CLASRP: variants seen among roughly 807,000 people sequenced by gnomAD.
The protein encoded by CLASRP is CLK4-associating serine/arginine rich protein.
CLASRP carries 52 observed loss-of-function variants against 99.9 expected under a neutral mutation model. The observed-to-expected ratio is 0.52, with a 90% confidence interval of 0.42 to 0.66. The LOEUF (loss-of-function observed/expected upper bound fraction) is 0.66, where lower values mean the gene tolerates loss of function less well. CLASRP is among the 30% of genes least tolerant of loss of function. CLASRP has a pLI of 0.00. For synonymous variants in CLASRP, 379 were observed against 373.0 expected (o/e 1.02, Z -0.18); for missense variants, 848 against 999.2 (o/e 0.85, Z 2.04).
intron 16 of CLASRP, among the ~76,000 whole-genome samples, chr19:45,068,701 TAG>T (rs1967156292): frequency 6.6e-6 from 1 of 152,208 alleles, no homozygotes; most frequent in Admixed American, 6.5e-5. Flanking sequence ...TTCCTCATTT[TAG>T]AGAGTGGGGC....
chr19:45,044,282 G>T (rs191348114), intron 2 of CLASRP, among the ~76,000 whole-genome samples: 98 of 152,354 alleles, frequency 6.4e-4, no homozygotes, highest in African/African-American at 2.3e-3. Flanking sequence ...TATTGATCAT[G>T]CCTGTGTTAA....
intron 2 of CLASRP, among the ~76,000 whole-genome samples, chr19:45,048,199 C>A (rs1439446351): frequency 1.3e-5 from 2 of 151,460 alleles, no homozygotes; most frequent in African/African-American, 2.4e-5. Context: ...GCAGGTGGAC[C>A]CCATGGCTTT....
intron 2 of CLASRP, among the ~76,000 whole-genome samples, chr19:45,046,800 A>G (rs1971925588): frequency 6.6e-6 from 1 of 152,180 alleles, no homozygotes; most frequent in Non-Finnish European, 1.5e-5. Context: ...GGCTGAGGTG[A>G]GCAGATCACC....
chr19:45,050,831 C>T (rs1231112625), intron 2 of CLASRP, among the ~76,000 whole-genome samples: 2 of 151,938 alleles, frequency 1.3e-5, no homozygotes, highest in Non-Finnish European at 2.9e-5. Context: ...ATTCTCTTGC[C>T]TCAGCCTCCC....
chr19:45,049,644 A>G (rs1971985185), intron 2 of CLASRP, among the ~76,000 whole-genome samples: 1 of 152,156 alleles, frequency 6.6e-6, no homozygotes, highest in Non-Finnish European at 1.5e-5. Flanking sequence ...GATGTGCAGG[A>G]GCTTGGAAAC....
rs1002135333 is a variant in CLASRP, at chr19:45,053,115, C to T, written c.317C>T (p.Ser106Leu). 16 of 1,613,804 alleles carry T rather than the reference C, an allele frequency of 9.9e-6. No individual in the cohort carries two copies. The highest frequency in any genetic ancestry group is 2.7e-5 in the African/African-American group (2 of 74,824). ...CCCTAAAGCTCCCCAGAACAGGAGT[C>T]GGACGAACGGAAGTGTAACTACGAG... ...LLTTISPEQESDERKCNYERY... is the reference protein window; with the variant it reads ...LLTTISPEQELDERKCNYERY... Residue 106 changes from serine (S) to leucine (L), a missense_variant, in exon 5 of 21, where the codon TCG (serine) becomes TTG (leucine). Around this residue, in one of 8 missense-constraint regions of CLASRP, gnomAD observed 54 missense variants for 38.7 expected, o/e 1.39. Coordinates refer to ENST00000221455, the MANE Select transcript of CLASRP (RefSeq NM_007056.3).
At chr19:45,044,606 A>T (rs889851514) in intron 2 of CLASRP, among the ~76,000 whole-genome samples, 34 of 152,158 alleles carry the variant, frequency 2.2e-4, no homozygotes, top group Admixed American at 1.9e-3. Flanking sequence ...TCTGCAAAAA[A>T]TAATAAAAAA....
chr19:45,045,917 C>A (rs1971908469), intron 2 of CLASRP, among the ~76,000 whole-genome samples: 1 of 152,170 alleles, frequency 6.6e-6, no homozygotes, highest in South Asian at 2.1e-4. Context: ...AGACTCCAGG[C>A]CCCCTCCCTG....
In CLASRP at chr19:45,069,186, G is replaced by T; in HGVS notation, c.1828-16G>T. 6.2e-7 allele frequency: 1 copy of T among 1,614,114 alleles called. No individual in the cohort carries two copies. On this transcript the variant is annotated splice_polypyrimidine_tract_variant and intron_variant, in intron 17 of 20. Coordinates refer to ENST00000221455, the MANE Select transcript of CLASRP (RefSeq NM_007056.3). The stretch of plus-strand genomic sequence containing the variant: ...GTGCTGGCCTGGCCACGTCCTCATA[G>T]CCCTGTCTGCTGCAGGAGCGGGAAG...
At chr19:45,070,193 G>A (rs995188108) in intron 19 of CLASRP, 89 bp downstream of exon 19, 12 of 872,308 alleles carry the variant, frequency 1.4e-5, no homozygotes, top group East Asian at 4.9e-5. Context: ...ACAGCCGGGC[G>A]CGGTGGCTCA....
intron 5 of CLASRP, 22 bp downstream of exon 5, chr19:45,053,199 G>T: frequency 6.2e-7 from 1 of 1,611,442 alleles, no homozygotes; most frequent in Non-Finnish European, 8.5e-7. Flanking sequence ...GTGGGGGGAC[G>T]TGGGGTGTGG....
chr19:45,050,644 A>T (rs891583931), intron 2 of CLASRP, among the ~76,000 whole-genome samples: 1 of 151,916 alleles, frequency 6.6e-6, no homozygotes. Context: ...ATATCGCACC[A>T]TTGCACTCCA....
At chr19:45,065,704 G>T (rs1967071102) in intron 13 of CLASRP, among the ~76,000 whole-genome samples, 1 of 152,078 alleles carries the variant, frequency 6.6e-6, no homozygotes, top group Non-Finnish European at 1.5e-5. Flanking sequence ...GGGCTGCCCT[G>T]GGAAGGGCAG....
rs1333779482 is a variant in CLASRP at position 45,048,457 on chromosome 19, C to T, written c.100-3614C>T. ...AGGAGAATCGCTTGAACCTGGGAGG[C>T]GGAGGTTGCAGTGAGCCGAGATCAT... is the stretch of plus-strand genomic sequence containing the variant. On this transcript the variant is annotated intron_variant, in intron 2 of 20. Coordinates refer to ENST00000221455, the MANE Select transcript of CLASRP (RefSeq NM_007056.3). Among the ~76,000 whole-genome samples, 11 of 151,292 alleles carry T rather than the reference C, an allele frequency of 7.3e-5. No homozygotes were observed. The East Asian group carries it at 1.8e-3, about 24-fold the overall frequency.
chr19:45,068,529 G>C (rs1278499737), intron 16 of CLASRP, 49 bp downstream of exon 16: 1 of 1,371,408 alleles, frequency 7.3e-7, no homozygotes, highest in African/African-American at 1.4e-5. Flanking sequence ...TCTTTCCCTT[G>C]GCAGTGGGAG....
intron 2 of CLASRP, among the ~76,000 whole-genome samples, chr19:45,050,065 C>T (rs910287052): frequency 3.9e-5 from 6 of 151,992 alleles, no homozygotes; most frequent in Admixed American, 3.3e-4. Context: ...CACAGAGGTC[C>T]GAGCAGAAGC....
chr19:45,045,767 A>G (rs1209455933), intron 2 of CLASRP, among the ~76,000 whole-genome samples: 1 of 152,182 alleles, frequency 6.6e-6, no homozygotes, highest in Non-Finnish European at 1.5e-5. Context: ...TGTTGGACAC[A>G]TGGACCACTG....
At chr19:45,049,964 G>C (rs1971990471) in intron 2 of CLASRP, among the ~76,000 whole-genome samples, 1 of 152,174 alleles carries the variant, frequency 6.6e-6, no homozygotes, top group East Asian at 1.9e-4. Flanking sequence ...ACAGAGTGAA[G>C]GAGCTGGGGT....
chr19:45,049,906 G>A (rs1971989373), intron 2 of CLASRP, among the ~76,000 whole-genome samples: 1 of 152,156 alleles, frequency 6.6e-6, no homozygotes, highest in African/African-American at 2.4e-5. Context: ...AACAAGTGGA[G>A]TTAAGTGAGT....
Sources: allele counts gnomAD v4.1 joint callset (sites outside exome capture counted in the v4.1 genomes callset), GRCh38; gene constraint gnomAD v4.1.1; regional missense constraint gnomAD v4.1.1; transcripts MANE v1.5; gene names NCBI Gene and HGNC (gene_info 2026-07-23, HGNC 2026-07-21).